RANBP2: variants seen among roughly 807,000 people sequenced by gnomAD.
RANBP2 encodes E3 SUMO-protein ligase RanBP2.
A neutral mutation model predicts 303.6 loss-of-function variants in RANBP2; 57 were observed. The observed-to-expected ratio is 0.19, with a 90% confidence interval of 0.15 to 0.23. RANBP2 has a LOEUF of 0.23. RANBP2 is among the 10% of genes least tolerant of loss of function. The probability of loss-of-function intolerance (pLI) is 1.00; values close to 1 mark genes in which losing one functional copy is unlikely to be tolerated. For synonymous variants in RANBP2, 1,167 were observed against 1,301.5 expected (o/e 0.90, Z 2.23); for missense variants, 3,138 against 3,780.8 (o/e 0.83, Z 4.46).
At chr2:109,363,037 A>G in the RANBP2 span, among the ~76,000 whole-genome samples, 1 of 152,138 alleles carries the variant, frequency 6.6e-6, no homozygotes, top group Non-Finnish European at 1.5e-5. Flanking sequence ...TTGTATATTT[A>G]CATCATTAAT....
chr2:108,862,254 A>G, the RANBP2 span, among the ~76,000 whole-genome samples: 10 of 152,112 alleles, frequency 6.6e-5, no homozygotes. Context: ...GAATTTATTT[A>G]CAAATGGGTT....
the RANBP2 span, chr2:108,812,890 T>G: frequency 1.9e-6 from 3 of 1,613,600 alleles, no homozygotes; most frequent in Admixed American, 3.3e-5. Flanking sequence ...ATGAAAAGTT[T>G]AAAACAAGAA....
the RANBP2 span, among the ~76,000 whole-genome samples, chr2:108,870,516 T>C: frequency 6.6e-6 from 1 of 152,120 alleles, no homozygotes; most frequent in African/African-American, 2.4e-5. Context: ...ACTCAAGGAA[T>C]CCACATTTGA....
chr2:108,967,424 G>A, the RANBP2 span, among the ~76,000 whole-genome samples: 1 of 152,188 alleles, frequency 6.6e-6, no homozygotes, highest in Admixed American at 6.5e-5. Flanking sequence ...GCTAAGAGCA[G>A]GAGCAGAAGA....
chr2:108,869,531 A>G, the RANBP2 span, among the ~76,000 whole-genome samples: 1 of 152,198 alleles, frequency 6.6e-6, no homozygotes, highest in East Asian at 1.9e-4. Flanking sequence ...GGTGGGCACC[A>G]TAGCACATGA....
At chr2:109,449,073 C>T in the RANBP2 span, 6 of 1,417,302 alleles carry the variant, frequency 4.2e-6, no homozygotes, top group East Asian at 2.5e-5. Flanking sequence ...TGTGAGTGCT[C>T]GAGAAGGGAG....
At chr2:109,078,265 CGCGTATATATAT>C in the RANBP2 span, among the ~76,000 whole-genome samples, 1 of 13,332 alleles carries the variant, frequency 7.5e-5, no homozygotes, top group African/African-American at 3.6e-4. Context: ...ATATATATAG[CGCGTATATATAT>C]ATATATATAT....
chr2:109,047,708 C>G, the RANBP2 span, among the ~76,000 whole-genome samples: 1,117 of 152,270 alleles, frequency 7.3e-3, 7 homozygotes, highest in East Asian at 0.034. Context: ...TACTTGGGAG[C>G]CTGAGGCACA....
the RANBP2 span, among the ~76,000 whole-genome samples, chr2:109,063,488 G>T: frequency 6.6e-6 from 1 of 152,154 alleles, no homozygotes; most frequent in Non-Finnish European, 1.5e-5. Flanking sequence ...TGCAGCAGAG[G>T]CCCCCGCGTG....
At chr2:109,067,094 A>C in the RANBP2 span, among the ~76,000 whole-genome samples, 1 of 152,110 alleles carries the variant, frequency 6.6e-6, no homozygotes, top group Non-Finnish European at 1.5e-5. Context: ...AGAAAAAAAA[A>C]AACAACCTGA....
At chr2:108,930,902 G>T in the RANBP2 span, 1 of 1,575,680 alleles carries the variant, frequency 6.3e-7, no homozygotes, top group African/African-American at 1.3e-5. Context: ...AAGAGGCCAA[G>T]AAACAGTCCA....
At chr2:108,869,967 AAATT>A in the RANBP2 span, among the ~76,000 whole-genome samples, 1 of 152,204 alleles carries the variant, frequency 6.6e-6, no homozygotes, top group Non-Finnish European at 1.5e-5. Flanking sequence ...AAAGACACAC[AAATT>A]AATTGGATTT....
chr2:109,343,830 G>A, the RANBP2 span, among the ~76,000 whole-genome samples: 3 of 151,042 alleles, frequency 2.0e-5, no homozygotes, highest in Admixed American at 1.3e-4. Context: ...CTGCAGCCTC[G>A]AACTCCCAGG....
chr2:109,659,059 C>T, the RANBP2 span, among the ~76,000 whole-genome samples: 9 of 147,908 alleles, frequency 6.1e-5, no homozygotes, highest in East Asian at 2.0e-4. Flanking sequence ...GGCGAGACTC[C>T]GCCCCCCCGC....
the RANBP2 span, among the ~76,000 whole-genome samples, chr2:109,075,921 A>C: frequency 1.3e-5 from 2 of 150,762 alleles, no homozygotes; most frequent in Admixed American, 1.3e-4. Context: ...GAAAAAGAGG[A>C]AACACTTCCA....
chr2:108,827,406 A>G, the RANBP2 span, among the ~76,000 whole-genome samples: 1 of 152,246 alleles, frequency 6.6e-6, no homozygotes, highest in Non-Finnish European at 1.5e-5. Flanking sequence ...GAAAACTACA[A>G]ATTTTATTTA....
chr2:109,136,614 C>T, the RANBP2 span, among the ~76,000 whole-genome samples: 38 of 152,318 alleles, frequency 2.5e-4, 1 homozygote, highest in South Asian at 7.1e-3. Context: ...AGCTGCAGCT[C>T]TCCTTTGGGA....
At chr2:109,012,549 G>A in the RANBP2 span, among the ~76,000 whole-genome samples, 2 of 152,140 alleles carry the variant, frequency 1.3e-5, no homozygotes, top group East Asian at 1.9e-4. Context: ...GAATGACAAT[G>A]AAGCCCAAGC....
chr2:108,859,501 A>T, the RANBP2 span, among the ~76,000 whole-genome samples: 2 of 152,110 alleles, frequency 1.3e-5, no homozygotes, highest in Admixed American at 1.3e-4. Context: ...AGTATTTCCT[A>T]GATTTTCTTC....
Sources: gnomAD v4.1 joint callset for allele counts (sites outside exome capture counted in the v4.1 genomes callset) on GRCh38, gnomAD v4.1.1 for gene constraint, MANE v1.5 for transcripts, NCBI Gene and HGNC (gene_info 2026-07-23, HGNC 2026-07-21) for gene names.